Variants in CHLSN observed in about 807,000 individuals in gnomAD.
CHLSN encodes cholesin.
the CHLSN span, among the ~76,000 whole-genome samples, chr7:1,132,139 G>A: frequency 3.0e-3 from 461 of 152,300 alleles, 2 homozygotes; most frequent in Middle Eastern, 0.02. Flanking sequence ...TCATGACCTT[G>A]GATTAGGCAA....
the CHLSN span, among the ~76,000 whole-genome samples, chr7:1,077,071 C>G: frequency 6.6e-6 from 1 of 152,266 alleles, no homozygotes; most frequent in African/African-American, 2.4e-5. Context: ...GACTGTACGA[C>G]AGGGTCCGAG....
At chr7:1,055,807 G>A in the CHLSN span, among the ~76,000 whole-genome samples, 8 of 152,132 alleles carry the variant, frequency 5.3e-5, no homozygotes, top group Admixed American at 3.9e-4. Context: ...CACAGACCCT[G>A]GACAGATCCG....
At chr7:1,079,968 G>A in the CHLSN span, among the ~76,000 whole-genome samples, 15 of 152,346 alleles carry the variant, frequency 9.8e-5, no homozygotes, top group Admixed American at 2.0e-4. Flanking sequence ...GCCCCTCTGC[G>A]TGGCTCAGGA....
At chr7:1,018,839 T>C in the CHLSN span, among the ~76,000 whole-genome samples, 1 of 151,696 alleles carries the variant, frequency 6.6e-6, no homozygotes. Context: ...GGGTGGGTGA[T>C]AGGCTCGTCC....
chr7:1,067,194 A>G, the CHLSN span, among the ~76,000 whole-genome samples: 3 of 143,710 alleles, frequency 2.1e-5, no homozygotes, highest in Non-Finnish European at 4.5e-5. Context: ...GGTTTGGGGC[A>G]CAATCTTCAC....
At chr7:978,646 G>A in the CHLSN span, among the ~76,000 whole-genome samples, 1 of 152,222 alleles carries the variant, frequency 6.6e-6, no homozygotes, top group Non-Finnish European at 1.5e-5. Context: ...GACATGCTCC[G>A]TTTATAGCTC....
At chr7:1,124,636 C>T in the CHLSN span, among the ~76,000 whole-genome samples, 7 of 149,926 alleles carry the variant, frequency 4.7e-5, no homozygotes, top group African/African-American at 1.2e-4. Flanking sequence ...GTGGGTGCAG[C>T]GCACCAGCAT....
chr7:987,413 A>G, the CHLSN span: 1 of 1,594,580 alleles, frequency 6.3e-7, no homozygotes, highest in Non-Finnish European at 8.5e-7. Context: ...GAGGACCAGC[A>G]GGCTCTGCCC....
the CHLSN span, among the ~76,000 whole-genome samples, chr7:1,041,544 T>C: frequency 6.6e-6 from 1 of 152,170 alleles, no homozygotes; most frequent in Non-Finnish European, 1.5e-5. Context: ...GCACAGAGTG[T>C]CAGATGATGA....
chr7:1,037,478 G>A, the CHLSN span, among the ~76,000 whole-genome samples: 64 of 134,694 alleles, frequency 4.8e-4, 1 homozygote, highest in East Asian at 9.7e-3. Flanking sequence ...GCCCCTAACC[G>A]CGAGTGATCC....
At chr7:1,102,142 G>C in the CHLSN span, among the ~76,000 whole-genome samples, 2 of 152,262 alleles carry the variant, frequency 1.3e-5, no homozygotes, top group African/African-American at 2.4e-5. Context: ...CCAGTGCCAA[G>C]TGCAGCCAGC....
the CHLSN span, among the ~76,000 whole-genome samples, chr7:978,788 A>G: frequency 6.6e-6 from 1 of 152,204 alleles, no homozygotes; most frequent in Non-Finnish European, 1.5e-5. Context: ...ATAACAAAGC[A>G]CCCCAAGCTT....
At chr7:984,115 G>GC in the CHLSN span, among the ~76,000 whole-genome samples, 1 of 152,224 alleles carries the variant, frequency 6.6e-6, no homozygotes, top group East Asian at 1.9e-4. Context: ...CAGACAGCCA[G>GC]CCCCCGACCT....
chr7:987,094 C>G, the CHLSN span: 7 of 1,518,594 alleles, frequency 4.6e-6, no homozygotes, highest in Non-Finnish European at 6.2e-6. Flanking sequence ...AGCCCTGCCC[C>G]ACGCCTCTGC....
At chr7:987,846 T>G in the CHLSN span, among the ~76,000 whole-genome samples, 1 of 147,752 alleles carries the variant, frequency 6.8e-6, no homozygotes, top group Non-Finnish European at 1.5e-5. Context: ...CTCTGTATCC[T>G]GGGGGGGTCC....
the CHLSN span, among the ~76,000 whole-genome samples, chr7:1,041,489 G>A: frequency 3.9e-5 from 6 of 152,206 alleles, no homozygotes; most frequent in South Asian, 2.1e-4. Flanking sequence ...TAATGTTACT[G>A]CCGTTTATGG....
At chr7:1,127,596 TC>T in the CHLSN span, among the ~76,000 whole-genome samples, 1 of 151,162 alleles carries the variant, frequency 6.6e-6, no homozygotes, top group Non-Finnish European at 1.5e-5. Context: ...TTCCTTTCTG[TC>T]TTTTTTTTTT....
chr7:988,337 C>A, the CHLSN span: 2 of 1,612,590 alleles, frequency 1.2e-6, no homozygotes, highest in Non-Finnish European at 1.7e-6. Context: ...GTGGCAGACC[C>A]CAGGCCAGTT....
At chr7:1,104,963 C>T in the CHLSN span, among the ~76,000 whole-genome samples, 2 of 152,314 alleles carry the variant, frequency 1.3e-5, no homozygotes, top group African/African-American at 4.8e-5. Context: ...TAACTGAGAA[C>T]AGTAAGTTCA....
Sources: gnomAD v4.1 joint callset for allele counts (sites outside exome capture counted in the v4.1 genomes callset) on GRCh38, gnomAD v4.1.1 for gene constraint, MANE v1.5 for transcripts, NCBI Gene and HGNC (gene_info 2026-07-23, HGNC 2026-07-21) for gene names.